The following ANKS1B variants were observed in gnomAD, a reference collection of about 807,000 sequenced individuals.
The protein encoded by ANKS1B is ankyrin repeat and sterile alpha motif domain-containing protein 1B.
ANKS1B carries 36 observed loss-of-function variants against 148.3 expected under a neutral mutation model. The ratio of observed to expected loss-of-function variants is 0.24; its 90% CI spans 0.19 to 0.32. The LOEUF (loss-of-function observed/expected upper bound fraction) is 0.32, where lower values mean the gene tolerates loss of function less well. Ranked by LOEUF, ANKS1B falls within the 10% of genes least tolerant of loss-of-function variation. ANKS1B has a pLI of 1.00. For synonymous variants in ANKS1B, 542 were observed against 560.8 expected (o/e 0.97, Z 0.47); for missense variants, 1,157 against 1,542.6 (o/e 0.75, Z 4.19).
At chr12:99,656,244 G>A (rs772928954) in intron 8 of ANKS1B, among the ~76,000 whole-genome samples, 14 of 152,058 alleles carry the variant, frequency 9.2e-5, no homozygotes, top group Non-Finnish European at 1.3e-4. Flanking sequence ...ATGGCAGCAC[G>A]GTTTATATTC....
chr12:98,866,660 A>G (rs768642355), intron 17 of ANKS1B, among the ~76,000 whole-genome samples: 4 of 152,056 alleles, frequency 2.6e-5, no homozygotes, highest in Non-Finnish European at 2.9e-5. Context: ...CTCCTCATAA[A>G]ACACCTATCT....
chr12:99,515,443 C>T (rs2096807820), intron 9 of ANKS1B, among the ~76,000 whole-genome samples: 1 of 152,048 alleles, frequency 6.6e-6, no homozygotes, highest in Admixed American at 6.6e-5. Context: ...TCTTTCCATG[C>T]CTGGTTTATT....
chr12:98,764,096 T>A (rs532304913), intron 25 of ANKS1B, among the ~76,000 whole-genome samples: 4 of 152,184 alleles, frequency 2.6e-5, no homozygotes, highest in Non-Finnish European at 5.9e-5. Context: ...GGAAGAAACA[T>A]GCAATCTTTA....
At chr12:99,170,297 C>A (rs890625422) in intron 14 of ANKS1B, among the ~76,000 whole-genome samples, 1 of 152,110 alleles carries the variant, frequency 6.6e-6, no homozygotes, top group Non-Finnish European at 1.5e-5. Flanking sequence ...GTGTGGAGGT[C>A]GGTAGCCCAG....
chr12:99,575,733 TA>T (rs2097511841), intron 9 of ANKS1B, among the ~76,000 whole-genome samples: 1 of 152,068 alleles, frequency 6.6e-6, no homozygotes, highest in South Asian at 2.1e-4. Flanking sequence ...TTATGGGAGC[TA>T]CAGTTCAAGA....
intron 25 of ANKS1B, among the ~76,000 whole-genome samples, chr12:98,767,007 TG>T (rs2098491598): frequency 6.7e-6 from 1 of 149,710 alleles, no homozygotes; most frequent in African/African-American, 2.5e-5. Context: ...TTTGCAGACA[TG>T]GGGTTGCCCT....
At chr12:99,364,754 T>C (rs1451394998) in intron 12 of ANKS1B, among the ~76,000 whole-genome samples, 2 of 152,210 alleles carry the variant, frequency 1.3e-5, no homozygotes, top group African/African-American at 2.4e-5. Context: ...CTTCCAACCA[T>C]GTGTTTCCTC....
At chr12:98,851,070 G>A (rs1365335417) in intron 17 of ANKS1B, among the ~76,000 whole-genome samples, 1 of 152,186 alleles carries the variant, frequency 6.6e-6, no homozygotes, top group Non-Finnish European at 1.5e-5. Context: ...CTTCTATTTT[G>A]AGAGTCATGC....
In ANKS1B at chr12:99,621,576, C is replaced by G. The variant is rs182497345; in HGVS notation, c.1272+33491G>C. On this transcript the variant is annotated intron_variant, in intron 9 of 26. Coordinates refer to ENST00000683438, the MANE Select transcript of ANKS1B (RefSeq NM_001352186.2). ...GTTAGAGAAAGATCTACCATGCAAA[C>G]AGAAAATGAAAAAGAGCAAGGGTCA... 7.4e-4 allele frequency among the ~76,000 whole-genome samples: 111 copies of G among 150,960 alleles called. 1 individual carries two copies. Among genetic ancestry groups the G allele is most frequent in the African/African-American group, 2.7e-3 (111 of 41,186 alleles).
intron 16 of ANKS1B, among the ~76,000 whole-genome samples, chr12:99,074,381 T>C (rs570229603): frequency 1.2e-3 from 175 of 150,874 alleles, no homozygotes; most frequent in African/African-American, 4.0e-3. Context: ...GGGAAGAATG[T>C]AGTAGCCATC....
intron 1 of ANKS1B, among the ~76,000 whole-genome samples, chr12:99,842,458 T>C (rs1297134734): frequency 4.6e-5 from 7 of 152,120 alleles, no homozygotes; most frequent in African/African-American, 9.7e-5. Context: ...CCTTGTAAAA[T>C]AGCAAGAGCT....
Position 99,306,128 on chromosome 12 carries a change from T to TTG in ANKS1B, c.1757-59266_1757-59265dup, listed in dbSNP as rs1287222609. 5.9e-5 allele frequency among the ~76,000 whole-genome samples: 9 copies of TTG among 152,250 alleles called. No individual in the cohort carries two copies. In the East Asian group the frequency reaches 1.7e-3, roughly 29 times the overall value. ...GCAGGAAGAAAAGAAGGTCTTAGTG[T>TTG]TGTGCTTCAATCCAGAAATTCCTGA... On this transcript the variant is annotated intron_variant, in intron 12 of 26. Coordinates refer to ENST00000683438, the MANE Select transcript of ANKS1B (RefSeq NM_001352186.2).
At chr12:99,868,517 G>A (rs1011048155) in intron 1 of ANKS1B, among the ~76,000 whole-genome samples, 2 of 151,684 alleles carry the variant, frequency 1.3e-5, no homozygotes, top group African/African-American at 4.8e-5. Context: ...CATGAAGGAC[G>A]ACAAGAAAGA....
At chr12:99,828,626 A>G (rs1194061017) in intron 1 of ANKS1B, among the ~76,000 whole-genome samples, 1 of 152,212 alleles carries the variant, frequency 6.6e-6, no homozygotes. Context: ...TATCATTAAT[A>G]TCATCTCAAT....
chr12:99,297,652 T>C (rs374932584), intron 12 of ANKS1B, among the ~76,000 whole-genome samples: 1 of 152,182 alleles, frequency 6.6e-6, no homozygotes, highest in Admixed American at 6.5e-5. Context: ...CAGCTTTTTT[T>C]CCCTGATTTT....
intron 1 of ANKS1B, among the ~76,000 whole-genome samples, chr12:99,859,134 T>C (rs898554381): frequency 2.0e-5 from 3 of 152,200 alleles, no homozygotes; most frequent in Admixed American, 6.5e-5. Flanking sequence ...CAAGAGCAGA[T>C]AATATTGACA....
At chr12:99,721,472 G>A (rs936659146) in intron 8 of ANKS1B, among the ~76,000 whole-genome samples, 2 of 152,192 alleles carry the variant, frequency 1.3e-5, no homozygotes, top group East Asian at 1.9e-4. Context: ...TGATGACATT[G>A]TCTTGTGAAA....
intron 9 of ANKS1B, among the ~76,000 whole-genome samples, chr12:99,559,133 C>T (rs946325486): frequency 7.2e-5 from 11 of 152,126 alleles, no homozygotes; most frequent in Admixed American, 2.0e-4. Flanking sequence ...ACTCTCAATG[C>T]CTTCTCTCTG....
At chr12:98,934,017 T>G (rs1840307355) in intron 17 of ANKS1B, among the ~76,000 whole-genome samples, 1 of 152,104 alleles carries the variant, frequency 6.6e-6, no homozygotes, top group Non-Finnish European at 1.5e-5. Flanking sequence ...TTTGATGTAG[T>G]CCTACTTATT....
Sources: allele counts gnomAD v4.1 joint callset (sites outside exome capture counted in the v4.1 genomes callset), GRCh38; gene constraint gnomAD v4.1.1; transcripts MANE v1.5; gene names NCBI Gene and HGNC (gene_info 2026-07-23, HGNC 2026-07-21).